Variants in PCDHGB2 observed in about 807,000 individuals in gnomAD.
PCDHGB2 encodes protocadherin gamma-B2.
In PCDHGB2, 55 loss-of-function variants were observed where a neutral mutation model predicts 59.3. The ratio of observed to expected loss-of-function variants is 0.93; its 90% CI spans 0.75 to 1.16. The LOEUF is 1.16. Among genes scored for constraint, PCDHGB2 ranks in the 50% most tolerant of loss-of-function variants. The probability of loss-of-function intolerance (pLI) is 0.00; values close to 1 mark genes in which losing one functional copy is unlikely to be tolerated. For synonymous variants in PCDHGB2, 516 were observed against 512.0 expected (o/e 1.01, Z -0.11); for missense variants, 1,228 against 1,198.5 (o/e 1.02, Z -0.36).
In PCDHGB2 at chr5:141,432,733, C is replaced by T; in HGVS notation, c.2422-62074C>T. 1 of 1,614,094 alleles carries T rather than the reference C, an allele frequency of 6.2e-7. No individual in the cohort carries two copies. Among genetic ancestry groups the T allele is most frequent in the Middle Eastern group, 1.6e-4 (1 of 6,062 alleles). ...GCCAGCCCCCTCTCTCCGCCACTGTCACGCTCACCGTGGCCGTGGCCGACA... is the reference window on the plus strand; with the variant it reads ...GCCAGCCCCCTCTCTCCGCCACTGTTACGCTCACCGTGGCCGTGGCCGACA... On this transcript the variant is annotated intron_variant, in intron 1 of 3. Coordinates refer to ENST00000522605, the MANE Select transcript of PCDHGB2 (RefSeq NM_018923.3). The surrounding 1 kb of genome is among the most constrained non-coding windows in gnomAD (Gnocchi z 6.0).
In PCDHGB2 at chr5:141,428,992, C is replaced by A. The variant is rs986416866; in HGVS notation, c.2422-65815C>A. The A allele has an allele frequency of 1.3e-4, 20 of 152,092 alleles. 1 individual carries two copies. Among genetic ancestry groups the A allele is most frequent in the Admixed American group, 1.2e-3 (18 of 15,248 alleles). 9.4% of individuals were successfully genotyped at this position (152,092 alleles called of 1,614,324 possible). On this transcript the variant is annotated intron_variant, in intron 1 of 3. Transcript: ENST00000522605. Reference sequence around the variant, plus strand: ...GCCTCAGCCTCCCGGGTAGCTGGGACTACAGGCGCCCGCCACCACGCCCGG... The same window carrying A: ...GCCTCAGCCTCCCGGGTAGCTGGGAATACAGGCGCCCGCCACCACGCCCGG...
rs756742340 is a variant in PCDHGB2, at chr5:141,366,531, G to A, written c.2421+3975G>A. 11 of 1,614,152 alleles carry A rather than the reference G, an allele frequency of 6.8e-6. No individual in the cohort carries two copies. The Admixed American group carries it at 1.5e-4, about 22-fold the overall frequency. On this transcript the variant is annotated intron_variant, in intron 1 of 3. Coordinates refer to ENST00000522605, the MANE Select transcript of PCDHGB2 (RefSeq NM_018923.3). The stretch of plus-strand genomic sequence containing the variant: ...CAGGCTGAAGGCAGCAGGTTGGCGG[G>A]TGTGCCCGCCTCGCACTTTGTGGGC...
At chr5:141,475,103 G>A (rs771784343) in intron 1 of PCDHGB2, among the ~76,000 whole-genome samples, 1 of 152,176 alleles carries the variant, frequency 6.6e-6, no homozygotes, top group Non-Finnish European at 1.5e-5. Flanking sequence ...AAGATCCTAG[G>A]TGGTAAATAG....
chr5:141,458,104 A>G (rs969775517), intron 1 of PCDHGB2, among the ~76,000 whole-genome samples: 6 of 152,232 alleles, frequency 3.9e-5, no homozygotes, highest in Non-Finnish European at 8.8e-5. Flanking sequence ...ACTTACAGAT[A>G]GTCTCCAAAT....
chr5:141,433,374 T>A (rs948922353), intron 1 of PCDHGB2, among the ~76,000 whole-genome samples: 36 of 150,958 alleles, frequency 2.4e-4, no homozygotes, highest in African/African-American at 8.6e-4. Flanking sequence ...TATCTATCTA[T>A]CTATCTATCT....
intron 1 of PCDHGB2, among the ~76,000 whole-genome samples, chr5:141,425,036 G>A (rs574813328): frequency 1.3e-5 from 2 of 152,238 alleles, no homozygotes; most frequent in East Asian, 3.9e-4. Context: ...GTCATTAGTT[G>A]TAAACTGACT....
intron 1 of PCDHGB2, chr5:141,393,264 C>A (rs537186931): frequency 6.2e-7 from 1 of 1,613,916 alleles, no homozygotes. Flanking sequence ...TCCTGGAGCA[C>A]GTTATCCACT....
chr5:141,431,907 T>A lies in PCDHGB2; in HGVS notation c.2422-62900T>A, dbSNP rs2097427946. 2 of 1,613,964 alleles carry A rather than the reference T, an allele frequency of 1.2e-6. No homozygotes were observed. Among genetic ancestry groups the A allele is most frequent in the South Asian group, 2.2e-5 (2 of 91,086 alleles). Reference sequence around the variant, plus strand: ...GATTCTGAGGAAAACGGACAGGTGATCTGTTTCATCCAAGGAAATCTGCCC... The same window carrying A: ...GATTCTGAGGAAAACGGACAGGTGAACTGTTTCATCCAAGGAAATCTGCCC... On this transcript the variant is annotated intron_variant, in intron 1 of 3. Transcript: ENST00000522605. This position sits in a 1 kb window ranked among gnomAD's most constrained non-coding sequence, Gnocchi z 4.8.
intron 1 of PCDHGB2, among the ~76,000 whole-genome samples, chr5:141,452,350 A>G (rs1355934993): frequency 6.6e-6 from 1 of 152,212 alleles, no homozygotes; most frequent in Admixed American, 6.5e-5. Context: ...CCATTTATCC[A>G]AAAGCCTTGC....
At chr5:141,483,700 T>C (rs1003495517) in intron 1 of PCDHGB2, among the ~76,000 whole-genome samples, 4 of 152,090 alleles carry the variant, frequency 2.6e-5, no homozygotes, top group Admixed American at 2.6e-4. Context: ...ATTCCTCTTT[T>C]TGACACCAGA....
At chr5:141,388,460 T>G in intron 1 of PCDHGB2, 1 of 1,613,854 alleles carries the variant, frequency 6.2e-7, no homozygotes. Flanking sequence ...GTAAATACCC[T>G]GAGATGGTAT....
intron 2 of PCDHGB2, 114 bp from the exon 3 acceptor site, chr5:141,505,279 C>A (rs780513022): frequency 1.3e-6 from 2 of 1,541,274 alleles, no homozygotes; most frequent in Non-Finnish European, 1.7e-6. Flanking sequence ...AGAAACAGGT[C>A]TTGGGCATGG....
intron 1 of PCDHGB2, chr5:141,370,472 C>G: frequency 1.2e-6 from 2 of 1,613,450 alleles, no homozygotes; most frequent in Non-Finnish European, 1.7e-6. Context: ...CTTTGTTAGA[C>G]CAGGCTCTCT....
intron 1 of PCDHGB2, among the ~76,000 whole-genome samples, chr5:141,368,272 C>G (rs1227481804): frequency 1.3e-5 from 2 of 152,064 alleles, no homozygotes; most frequent in Non-Finnish European, 2.9e-5. Flanking sequence ...ATTAAAGAAC[C>G]TAAGACCACT....
intron 1 of PCDHGB2, chr5:141,410,687 T>C: frequency 6.6e-7 from 1 of 1,518,632 alleles, no homozygotes; most frequent in Non-Finnish European, 8.8e-7. Flanking sequence ...TTAGGCATAC[T>C]ACTTTATTTT....
At chr5:141,394,790 G>T (rs776824024) in intron 1 of PCDHGB2, 1 of 1,613,718 alleles carries the variant, frequency 6.2e-7, no homozygotes, top group Non-Finnish European at 8.5e-7. Context: ...CCACTGTCAC[G>T]CTCACCGTAG....
chr5:141,360,581 G>T lies in PCDHGB2; in HGVS notation c.446G>T (p.Gly149Val). ...NLKIGESTKP[G>V]TTFPLDPALD... ...AAAATTGGCGAATCCACTAAGCCAG[G>T]TACAACATTTCCACTTGACCCAGCC... Residue 149 changes from glycine (G) to valine (V), a missense_variant, in exon 1 of 4, where the codon GGT becomes GTT. By Grantham distance (109) the Gly-to-Val change is moderately radical. This residue lies in a region of PCDHGB2 where 781 missense variants were observed against 721.6 expected (regional missense o/e 1.08). Coordinates refer to ENST00000522605, the MANE Select transcript of PCDHGB2 (RefSeq NM_018923.3). 1 of 1,613,946 alleles carries T rather than the reference G, an allele frequency of 6.2e-7. No homozygotes were observed. Among genetic ancestry groups the T allele is most frequent in the Non-Finnish European group, 8.5e-7 (1 of 1,179,886 alleles).
chr5:141,439,117 C>T (rs1219829519), intron 1 of PCDHGB2, among the ~76,000 whole-genome samples: 6 of 150,696 alleles, frequency 4.0e-5, no homozygotes, highest in African/African-American at 7.3e-5. Context: ...CACTTGAACC[C>T]GGGAGACAGA....
At chr5:141,433,383 CT>C (rs2097595660) in intron 1 of PCDHGB2, among the ~76,000 whole-genome samples, 1 of 151,456 alleles carries the variant, frequency 6.6e-6, no homozygotes, top group Non-Finnish European at 1.5e-5. Context: ...ATCTATCTAT[CT>C]ATCTATCTAT....
Sources: allele counts gnomAD v4.1 joint callset (sites outside exome capture counted in the v4.1 genomes callset), GRCh38; gene constraint gnomAD v4.1.1; regional missense constraint gnomAD v4.1.1; non-coding constraint Gnocchi (gnomAD v3.1); transcripts MANE v1.5; gene names NCBI Gene and HGNC (gene_info 2026-07-23, HGNC 2026-07-21).